The following SUSD5 variants were observed in gnomAD, a reference collection of about 807,000 sequenced individuals.
SUSD5 encodes sushi domain containing 5.
In SUSD5, 33 loss-of-function variants were observed where a neutral mutation model predicts 29.5. That is an observed-to-expected ratio of 1.12 (90% CI 0.85 to 1.49). The LOEUF is 1.49. SUSD5 is among the 40% of genes most tolerant of loss of function. The probability of loss-of-function intolerance (pLI) is 0.00; values close to 1 mark genes in which losing one functional copy is unlikely to be tolerated. For missense variants in SUSD5, 776 were observed against 800.6 expected, an observed-to-expected ratio of 0.97 and a Z score of 0.37; for synonymous variants, 308 against 325.3, an observed-to-expected ratio of 0.95 and a Z score of 0.57.
chr3:33,157,344 T>C (rs1360760694), intron 4 of SUSD5, among the ~76,000 whole-genome samples: 2 of 152,236 alleles, frequency 1.3e-5, no homozygotes, highest in African/African-American at 4.8e-5. Context: ...AGGTTTTGCA[T>C]TGAAGTACTG....
chr3:33,192,588 A>C (rs2031915140), intron 3 of SUSD5, among the ~76,000 whole-genome samples: 1 of 151,624 alleles, frequency 6.6e-6, no homozygotes, highest in African/African-American at 2.4e-5. Flanking sequence ...CAGGTGGATC[A>C]CCTGAGGTCA....
intron 3 of SUSD5, among the ~76,000 whole-genome samples, chr3:33,182,261 A>G (rs1168747091): frequency 6.6e-6 from 1 of 152,164 alleles, no homozygotes; most frequent in Non-Finnish European, 1.5e-5. Context: ...ATTGTTTTCT[A>G]CCTTAATTCC....
intron 3 of SUSD5, among the ~76,000 whole-genome samples, chr3:33,194,544 A>G (rs1448072510): frequency 6.6e-6 from 1 of 152,218 alleles, no homozygotes; most frequent in Non-Finnish European, 1.5e-5. Context: ...AAGGCAGAAC[A>G]TGTTTCAAGG....
At chr3:33,159,331 G>T (rs748921535) in intron 4 of SUSD5, among the ~76,000 whole-genome samples, 1 of 152,124 alleles carries the variant, frequency 6.6e-6, no homozygotes, top group Admixed American at 6.5e-5. Flanking sequence ...GTGACTGTAG[G>T]GATACTCAAA....
intron 3 of SUSD5, among the ~76,000 whole-genome samples, chr3:33,185,354 G>C (rs1233296600): frequency 6.6e-6 from 1 of 152,196 alleles, no homozygotes; most frequent in Non-Finnish European, 1.5e-5. Context: ...TTTTCTGTAA[G>C]GACCTGATAG....
intron 3 of SUSD5, among the ~76,000 whole-genome samples, chr3:33,178,960 C>T: frequency 6.6e-6 from 1 of 152,186 alleles, no homozygotes; most frequent in Non-Finnish European, 1.5e-5. Context: ...GCAGAATCCA[C>T]TAGTGAACCC....
At chr3:33,211,931 G>C (rs1301874994) in intron 2 of SUSD5, among the ~76,000 whole-genome samples, 1 of 152,058 alleles carries the variant, frequency 6.6e-6, no homozygotes, top group East Asian at 1.9e-4. Flanking sequence ...AGAGGTGGGG[G>C]TCTAGTTTTA....
Position 33,167,483 on chromosome 3 carries a change from A to C in SUSD5, c.598+7403T>G, listed in dbSNP as rs1348886277. Among the ~76,000 whole-genome samples the C allele has an allele frequency of 6.6e-6, 1 of 151,816 alleles. No homozygotes were observed. Among genetic ancestry groups the C allele is most frequent in the Non-Finnish European group, 1.5e-5 (1 of 67,924 alleles). On this transcript the variant is annotated intron_variant, in intron 4 of 4. Transcript: ENST00000309558. The surrounding 1 kb of genome is among the most constrained non-coding windows in gnomAD (Gnocchi z 4.1). ...TGTGTATGTGTGTGTGTGTCTCTGT[A>C]TGGGTGTCTAAGGTTCTGCCTCCAG... is the stretch of plus-strand genomic sequence containing the variant.
At chr3:33,158,799 G>A (rs903791681) in intron 4 of SUSD5, among the ~76,000 whole-genome samples, 1 of 152,142 alleles carries the variant, frequency 6.6e-6, no homozygotes, top group African/African-American at 2.4e-5. Flanking sequence ...AACTCTCCAA[G>A]ATCATTTTTC....
At chr3:33,170,196 G>A (rs1397322185) in intron 4 of SUSD5, among the ~76,000 whole-genome samples, 4 of 152,172 alleles carry the variant, frequency 2.6e-5, no homozygotes, top group African/African-American at 9.7e-5. Flanking sequence ...TGGGATTACA[G>A]GCATGAGCCA....
At chr3:33,215,865 A>G (rs1409094468) in intron 1 of SUSD5, among the ~76,000 whole-genome samples, 1 of 152,222 alleles carries the variant, frequency 6.6e-6, no homozygotes, top group Non-Finnish European at 1.5e-5. Context: ...TTATAGCCTC[A>G]GATCTCACAT....
chr3:33,163,402 T>C (rs2031234484), intron 4 of SUSD5, among the ~76,000 whole-genome samples: 1 of 152,008 alleles, frequency 6.6e-6, no homozygotes, highest in Non-Finnish European at 1.5e-5. Context: ...ACATTATACC[T>C]AGTTAGATTT....
intron 4 of SUSD5, 134 bp from the exon 5 acceptor site, chr3:33,154,167 CTGTG>C (rs757723392): frequency 2.0e-5 from 15 of 756,886 alleles, no homozygotes; most frequent in Non-Finnish European, 2.8e-5. Flanking sequence ...GATGATATGA[CTGTG>C]TATCATAGAT....
intron 3 of SUSD5, among the ~76,000 whole-genome samples, chr3:33,175,678 C>T (rs1227102602): frequency 6.6e-6 from 1 of 151,852 alleles, no homozygotes; most frequent in East Asian, 1.9e-4. Flanking sequence ...GAGTACCCTG[C>T]TTTTAAAAAA....
Position 33,197,933 on chromosome 3 carries a change from T to C in SUSD5, c.409+9875A>G, listed in dbSNP as rs567586023. On this transcript the variant is annotated intron_variant, in intron 3 of 4. Coordinates refer to ENST00000309558, the MANE Select transcript of SUSD5 (RefSeq NM_015551.2). ...ATGATAAAATTGCTATGAATATTTG[T>C]GTACCCATTTTTGTGTGGTCATACA... is the stretch of plus-strand genomic sequence containing the variant. Among the ~76,000 whole-genome samples the C allele has an allele frequency of 3.3e-5, 5 of 152,324 alleles. No individual in the cohort carries two copies. In the East Asian group the frequency reaches 9.6e-4, roughly 29 times the overall value.
intron 3 of SUSD5, among the ~76,000 whole-genome samples, chr3:33,182,664 T>G (rs940056036): frequency 6.6e-6 from 1 of 152,248 alleles, no homozygotes; most frequent in Admixed American, 6.5e-5. Flanking sequence ...TCTTTACCAT[T>G]ATGTAATTCT....
rs1481736157 is a variant in SUSD5 at position 33,150,365 on chromosome 3, AT to A, written c.*2376del. The A allele has an allele frequency of 6.6e-6, 1 of 152,186 alleles. No homozygotes were observed. Among genetic ancestry groups the A allele is most frequent in the African/African-American group, 2.4e-5 (1 of 41,450 alleles). 9.4% of individuals were successfully genotyped at this position (152,186 alleles called of 1,614,324 possible). On this transcript the variant is annotated 3_prime_UTR_variant, in exon 5 of 5. Coordinates refer to ENST00000309558, the MANE Select transcript of SUSD5 (RefSeq NM_015551.2). ...ACACTGTATTAATAATTTGTAATAAATTTATTAATACACTGTATTAATATTG... is the reference window on the plus strand; with the variant it reads ...ACACTGTATTAATAATTTGTAATAAATTATTAATACACTGTATTAATATTG...
Position 33,207,869 on chromosome 3 carries a change from C to T in SUSD5, c.348G>A (p.Val116=). 1 of 1,613,994 alleles carries T rather than the reference C, an allele frequency of 6.2e-7. No homozygotes were observed. Among genetic ancestry groups the T allele is most frequent in the Non-Finnish European group, 8.5e-7 (1 of 1,179,878 alleles). ...GEQQIMRAVD[V]RIESNPVPGG... ...CAGGAACTGGGTTGCTCTCAATTCT[C>T]ACATCGACAGCTCTCATGATTTGCT... is the stretch of plus-strand genomic sequence containing the variant. The change falls in exon 3 of 5, where the codon GTG becomes GTA. Residue 116 remains valine, a synonymous_variant. Coordinates refer to ENST00000309558, the MANE Select transcript of SUSD5 (RefSeq NM_015551.2).
At position 33,160,155 on chromosome 3, in the gene SUSD5, T is replaced by G. The variant is rs1270140329; in HGVS notation, c.599-6122A>C. 4.6e-5 allele frequency among the ~76,000 whole-genome samples: 7 copies of G among 152,306 alleles called. No homozygotes were observed. The East Asian group carries it at 1.3e-3, about 29-fold the overall frequency. Reference sequence around the variant, plus strand: ...GACTTAAAAAAATTGTTTTATGTTTTGCAGAGACAGCGTCTCACTATGTTG... The same window carrying G: ...GACTTAAAAAAATTGTTTTATGTTTGGCAGAGACAGCGTCTCACTATGTTG... On this transcript the variant is annotated intron_variant, in intron 4 of 4. Coordinates refer to ENST00000309558, the MANE Select transcript of SUSD5 (RefSeq NM_015551.2).
Sources: allele counts gnomAD v4.1 joint callset (sites outside exome capture counted in the v4.1 genomes callset), GRCh38; gene constraint gnomAD v4.1.1; non-coding constraint Gnocchi (gnomAD v3.1); transcripts MANE v1.5; gene names NCBI Gene and HGNC (gene_info 2026-07-23, HGNC 2026-07-21).